The following LRP1B variants were observed in gnomAD, a reference collection of about 807,000 sequenced individuals.
The protein encoded by LRP1B is LDL receptor related protein 1B, also known as low-density lipoprotein receptor-related protein 1B.
LRP1B carries 217 observed loss-of-function variants against 556.6 expected under a neutral mutation model. That is an observed-to-expected ratio of 0.39 (90% confidence interval 0.35 to 0.44). The LOEUF is 0.44. Among genes scored for constraint, LRP1B ranks in the 20% least tolerant of loss-of-function variants. LRP1B has a pLI of 1.00. For synonymous variants in LRP1B, 2,047 were observed against 1,865.8 expected (o/e 1.10, Z -2.50); for missense variants, 5,053 against 5,620.8 (o/e 0.90, Z 3.23).
chr2:141,601,991 C>G (rs1162509152), intron 2 of LRP1B, among the ~76,000 whole-genome samples: 2 of 152,128 alleles, frequency 1.3e-5, no homozygotes, highest in African/African-American at 2.4e-5. Context: ...CAGTTCTACT[C>G]AGAGTAACAG....
At chr2:141,282,550 C>T (rs1685549940) in intron 3 of LRP1B, among the ~76,000 whole-genome samples, 1 of 147,586 alleles carries the variant, frequency 6.8e-6, no homozygotes, top group Admixed American at 6.8e-5. Context: ...AGAGAATATA[C>T]ATATACAGGT....
chr2:141,469,180 T>C (rs6733981), intron 3 of LRP1B, among the ~76,000 whole-genome samples: 66,852 of 152,072 alleles, frequency 0.44, 15,012 homozygotes, highest in Non-Finnish European at 0.49. Context: ...TATGCAAATG[T>C]ATGCCAAAAG....
chr2:140,922,000 A>G (rs1425370246), intron 21 of LRP1B, among the ~76,000 whole-genome samples: 4 of 152,044 alleles, frequency 2.6e-5, no homozygotes, highest in Non-Finnish European at 5.9e-5. Flanking sequence ...AGCAATTGAA[A>G]AACAATTTCA....
intron 2 of LRP1B, among the ~76,000 whole-genome samples, chr2:141,704,546 C>T (rs1692068650): frequency 6.6e-6 from 1 of 151,886 alleles, no homozygotes; most frequent in African/African-American, 2.4e-5. Context: ...CTTCTTGCTC[C>T]CCACTGCTCC....
At chr2:140,780,405 C>T (rs949473037) in intron 32 of LRP1B, among the ~76,000 whole-genome samples, 3 of 152,170 alleles carry the variant, frequency 2.0e-5, no homozygotes, top group Admixed American at 2.0e-4. Flanking sequence ...TTGTTAAAGT[C>T]CAAATCAAAA....
intron 29 of LRP1B, among the ~76,000 whole-genome samples, chr2:140,849,405 AAAT>A (rs1559155008): frequency 0.18 from 2,157 of 12,176 alleles, 42 homozygotes; most frequent in African/African-American, 0.25. Context: ...ACAAAAAACA[AAAT>A]CCAAAAAAAA....
chr2:141,019,519 A>T (rs2105395699), intron 12 of LRP1B, among the ~76,000 whole-genome samples: 1 of 152,196 alleles, frequency 6.6e-6, no homozygotes, highest in East Asian at 1.9e-4. Context: ...CCATTTAATA[A>T]AACGTCTGAC....
chr2:140,967,491 A>T (rs1034295076), intron 18 of LRP1B, among the ~76,000 whole-genome samples: 4 of 152,180 alleles, frequency 2.6e-5, no homozygotes, highest in African/African-American at 9.7e-5. Flanking sequence ...GCAAACAGGG[A>T]TAATTTGACT....
intron 31 of LRP1B, among the ~76,000 whole-genome samples, chr2:140,830,486 A>T (rs1445507569): frequency 6.6e-6 from 1 of 152,140 alleles, no homozygotes; most frequent in Non-Finnish European, 1.5e-5. Context: ...CATTAACAGA[A>T]TGAAGGACAA....
chr2:141,200,624 C>T (rs1218719752), intron 6 of LRP1B, among the ~76,000 whole-genome samples: 1 of 152,128 alleles, frequency 6.6e-6, no homozygotes, highest in African/African-American at 2.4e-5. Context: ...TGTACACACA[C>T]ATACATACAC....
chr2:140,834,217 C>T (rs1691818200), intron 31 of LRP1B, among the ~76,000 whole-genome samples: 1 of 152,000 alleles, frequency 6.6e-6, no homozygotes, highest in Non-Finnish European at 1.5e-5. Flanking sequence ...ACTTTAAAAT[C>T]TCAATTGCCA....
At position 140,274,432 on chromosome 2, in the gene LRP1B, T is replaced by G; in HGVS notation, c.13134A>C (p.Ile4378=). 2 of 1,612,196 alleles carry G rather than the reference T, an allele frequency of 1.2e-6. No homozygotes were observed. The highest frequency in any genetic ancestry group is 8.5e-7 in the Non-Finnish European group (1 of 1,178,798). The change falls in exon 85 of 91, where the codon ATA becomes ATC. Residue 4378 remains isoleucine, a synonymous_variant. Coordinates refer to ENST00000389484, the MANE Select transcript of LRP1B (RefSeq NM_018557.3). ...HCIINKDSED[I]FCNCTNGKIA... The stretch of plus-strand genomic sequence containing the variant: ...GCTGGGTGTCCACTTACTTGCAAAA[T>G]ATATCTTCACTGTCTTTATTTATAA...
chr2:140,424,510 G>A (rs770939660), intron 66 of LRP1B, among the ~76,000 whole-genome samples: 1 of 152,160 alleles, frequency 6.6e-6, no homozygotes, highest in Non-Finnish European at 1.5e-5. Flanking sequence ...TTCATGAAGT[G>A]CAATACTGAA....
intron 35 of LRP1B, among the ~76,000 whole-genome samples, chr2:140,727,416 A>G (rs1031368682): frequency 3.9e-5 from 6 of 152,166 alleles, no homozygotes; most frequent in East Asian, 1.9e-4. Flanking sequence ...TTGGCATACA[A>G]CTGAGCCATC....
chr2:140,339,527 A>G (rs1417231514), intron 77 of LRP1B, among the ~76,000 whole-genome samples: 3 of 151,644 alleles, frequency 2.0e-5, no homozygotes, highest in Non-Finnish European at 4.4e-5. Context: ...GTTATCTCCC[A>G]ATGGAATTGT....
chr2:140,786,261 A>G (rs1483465881), intron 32 of LRP1B, among the ~76,000 whole-genome samples: 19 of 152,230 alleles, frequency 1.2e-4, no homozygotes, highest in Non-Finnish European at 4.4e-5. Flanking sequence ...TAGATTAACC[A>G]TGTTATGTCA....
chr2:141,516,115 C>G (rs1021106042), intron 2 of LRP1B, among the ~76,000 whole-genome samples: 1 of 152,114 alleles, frequency 6.6e-6, no homozygotes, highest in Admixed American at 6.6e-5. Context: ...CATCTAAAAT[C>G]TAGGCCAAAC....
chr2:141,725,202 A>G (rs1692982353), intron 2 of LRP1B, among the ~76,000 whole-genome samples: 1 of 151,954 alleles, frequency 6.6e-6, no homozygotes, highest in South Asian at 2.1e-4. Context: ...TCATCAAAAC[A>G]AAAAGCTCAA....
At chr2:140,298,175 G>A (rs1245990432) in intron 83 of LRP1B, among the ~76,000 whole-genome samples, 3 of 152,038 alleles carry the variant, frequency 2.0e-5, no homozygotes, top group Admixed American at 1.3e-4. Flanking sequence ...AGATATCCAA[G>A]TTTCAATTCA....
Sources: allele counts gnomAD v4.1 joint callset (sites outside exome capture counted in the v4.1 genomes callset), GRCh38; gene constraint gnomAD v4.1.1; transcripts MANE v1.5; gene names NCBI Gene and HGNC (gene_info 2026-07-23, HGNC 2026-07-21).